Variants in MACF1 observed in about 807,000 individuals in gnomAD.
The protein encoded by MACF1 is microtubule-actin cross-linking factor 1.
Under a neutral mutation model 854.8 loss-of-function variants are expected in MACF1, and 193 were observed. The ratio of observed to expected loss-of-function variants is 0.23; its 90% CI spans 0.20 to 0.25. The LOEUF (loss-of-function observed/expected upper bound fraction) is 0.25, where lower values mean the gene tolerates loss of function less well. Ranked by LOEUF, MACF1 falls within the 10% of genes least tolerant of loss-of-function variation. MACF1 has a pLI of 1.00. For synonymous variants in MACF1, 3,185 were observed against 3,226.7 expected (o/e 0.99, Z 0.44); for missense variants, 7,722 against 8,929.1 (o/e 0.86, Z 5.45).
Position 39,484,787 on chromosome 1 carries a change from A to G in MACF1, c.22411+57A>G, listed in dbSNP as rs141095966. 11,791 of 1,606,290 alleles carry G rather than the reference A, an allele frequency of 7.3e-3. 54 individuals are homozygous for G. The highest frequency in any genetic ancestry group is 9.0e-3 in the Non-Finnish European group (10,545 of 1,172,912). Reference sequence around the variant, plus strand: ...GCTGAGAATTTGGAAACAACAGCCTATGTGGAATGTTTCACTGCTCCCAAG... The same window carrying G: ...GCTGAGAATTTGGAAACAACAGCCTGTGTGGAATGTTTCACTGCTCCCAAG... On this transcript the variant is annotated intron_variant, in intron 100 of 100. Coordinates refer to ENST00000564288, the MANE Select transcript of MACF1 (RefSeq NM_001394062.1).
intron 41 of MACF1, 130 bp from the exon 42 acceptor site, chr1:39,349,348 C>G (rs954424517): frequency 5.6e-5 from 47 of 842,800 alleles, no homozygotes; most frequent in Non-Finnish European, 8.0e-5. Flanking sequence ...TATGTCTTTT[C>G]CTATTCTAGT....
intron 44 of MACF1, among the ~76,000 whole-genome samples, chr1:39,356,793 C>A (rs956236147): frequency 3.3e-5 from 5 of 152,242 alleles, no homozygotes; most frequent in African/African-American, 4.8e-5. Flanking sequence ...AGTTGCAGTT[C>A]TGTTCGTTAA....
At chr1:39,228,680 A>G (rs1644744554) in intron 1 of MACF1, among the ~76,000 whole-genome samples, 1 of 152,184 alleles carries the variant, frequency 6.6e-6, no homozygotes, top group African/African-American at 2.4e-5. Context: ...TTTGAGATGG[A>G]GTCTTGCCCT....
chr1:39,342,762 C>T (rs1385713409), intron 40 of MACF1, among the ~76,000 whole-genome samples: 1 of 152,064 alleles, frequency 6.6e-6, no homozygotes, highest in Non-Finnish European at 1.5e-5. Context: ...TCAGGCAATC[C>T]ACCCACCTTG....
At chr1:39,313,845 C>T (rs972326708) in intron 26 of MACF1, among the ~76,000 whole-genome samples, 4 of 152,076 alleles carry the variant, frequency 2.6e-5, no homozygotes, top group African/African-American at 9.7e-5. Flanking sequence ...CAACTCCTGG[C>T]TTCCAGCAGT....
intron 2 of MACF1, among the ~76,000 whole-genome samples, chr1:39,132,256 C>A (rs536283009): frequency 1.3e-5 from 2 of 152,310 alleles, no homozygotes; most frequent in South Asian, 4.1e-4. Context: ...TGTACCTACA[C>A]CCAGTCACAA....
At chr1:39,315,179 TTCTG>T (rs1301811084) in intron 26 of MACF1, among the ~76,000 whole-genome samples, 3 of 152,232 alleles carry the variant, frequency 2.0e-5, no homozygotes, top group African/African-American at 7.2e-5. Context: ...TGGTTATCCT[TTCTG>T]TCTGTCTCTT....
chr1:39,411,616 G>A (rs934618847), intron 58 of MACF1: 31 of 1,613,736 alleles, frequency 1.9e-5, no homozygotes, highest in Non-Finnish European at 2.5e-5. Context: ...ATGTACTGTG[G>A]GTACTATTGA....
At chr1:39,480,467 C>T (rs1056449017) in intron 98 of MACF1, among the ~76,000 whole-genome samples, 2 of 152,030 alleles carry the variant, frequency 1.3e-5, no homozygotes, top group Admixed American at 6.6e-5. Flanking sequence ...TTTATCATCT[C>T]TAATTTTTAA....
intron 1 of MACF1, among the ~76,000 whole-genome samples, chr1:39,219,785 C>G (rs1402323926): frequency 6.6e-6 from 1 of 152,206 alleles, no homozygotes; most frequent in East Asian, 1.9e-4. Flanking sequence ...GAGTCTCACT[C>G]TGTCACCCAG....
chr1:39,477,042 A>AGTGT (rs1481908693), intron 97 of MACF1, among the ~76,000 whole-genome samples: 12 of 110,694 alleles, frequency 1.1e-4, no homozygotes, highest in African/African-American at 4.2e-4. Context: ...ATATACACTT[A>AGTGT]GTGTATATAT....
At position 39,296,776 on chromosome 1, in the gene MACF1, GAAA is replaced by G. The variant is rs1645915709; in HGVS notation, c.2356-843_2356-841del. 3.7e-5 allele frequency among the ~76,000 whole-genome samples: 3 copies of G among 81,374 alleles called. 1 individual carries two copies. The Admixed American group carries it at 3.9e-4, about 11-fold the overall frequency. The allele number at this position is 81,374 out of a possible 152,430, so 53.4% of individuals were successfully genotyped here. ...AAAGGAAGGAAGGAAGGAAGGAAAAGAAAGAAAGAAAGAAAGGAAGGAAGGAAA... is the reference window on the plus strand; with the variant it reads ...AAAGGAAGGAAGGAAGGAAGGAAAAGGAAAGAAAGAAAGGAAGGAAGGAAA... On this transcript the variant is annotated intron_variant, in intron 20 of 100. Transcript: ENST00000564288.
At chr1:39,092,893 C>T (rs1026694645) in intron 2 of MACF1, among the ~76,000 whole-genome samples, 2 of 151,928 alleles carry the variant, frequency 1.3e-5, no homozygotes, top group Admixed American at 6.6e-5. Flanking sequence ...AAGCAATTCT[C>T]TGCCTCAGCC....
chr1:39,475,428 C>T (rs1054098513), intron 97 of MACF1, among the ~76,000 whole-genome samples: 4 of 145,632 alleles, frequency 2.7e-5, no homozygotes, highest in African/African-American at 1.0e-4. Flanking sequence ...ATGTTTGTGT[C>T]ACTGCACTCC....
intron 23 of MACF1, among the ~76,000 whole-genome samples, chr1:39,307,933 C>G (rs1259217342): frequency 1.3e-5 from 1 of 79,162 alleles, no homozygotes; most frequent in Non-Finnish European, 2.3e-5. Context: ...GAGATGGAGT[C>G]TCGCCGTGTC....
rs1370854385 is a variant in MACF1 at position 39,337,381 on chromosome 1, C to T, written c.10215+50C>T. 7 of 1,587,718 alleles carry T rather than the reference C, an allele frequency of 4.4e-6. No individual in the cohort carries two copies. In the East Asian group the frequency reaches 1.6e-4, roughly 36 times the overall value. ...CAGACACCAGCTTCAAGATAGCTGC[C>T]TCCATCTTCCTTGAAGATTTCAAGA... is the stretch of plus-strand genomic sequence containing the variant. On this transcript the variant is annotated intron_variant, in intron 38 of 100. Coordinates refer to ENST00000564288, the MANE Select transcript of MACF1 (RefSeq NM_001394062.1).
chr1:39,103,149 G>A (rs1332587850), intron 2 of MACF1: 3 of 431,056 alleles, frequency 7.0e-6, no homozygotes, highest in Admixed American at 6.9e-5. Flanking sequence ...TTTCTTAAAA[G>A]GAATCTCAAC....
chr1:39,232,757 T>TTG (rs1553174824), intron 2 of MACF1, among the ~76,000 whole-genome samples: 3 of 149,668 alleles, frequency 2.0e-5, no homozygotes, highest in African/African-American at 2.5e-5. Context: ...TTTTTTTTTT[T>TTG]TTTTTTTTTT....
In MACF1 at chr1:39,441,268, G is replaced by A. The variant is rs1296522932; in HGVS notation, c.18615G>A (p.Arg6205=). 10 of 1,614,122 alleles carry A rather than the reference G, an allele frequency of 6.2e-6. No homozygotes were observed. In the South Asian group the frequency reaches 9.9e-5, roughly 16 times the overall value. The stretch of plus-strand genomic sequence containing the variant: ...ACTTAAACAAAACATGGAAAGAGAG[G>A]CTAGAAAAACTTGAGGATGCTATGC... ...WENLNKTWKE[R]LEKLEDAMQA... The change falls in exon 74 of 101, where the codon AGG becomes AGA. Residue 6205 remains arginine (R), a synonymous_variant. Transcript: ENST00000564288.
Sources: gnomAD v4.1 joint callset for allele counts (sites outside exome capture counted in the v4.1 genomes callset) on GRCh38, gnomAD v4.1.1 for gene constraint, MANE v1.5 for transcripts, NCBI Gene and HGNC (gene_info 2026-07-23, HGNC 2026-07-21) for gene names.